The following RC3H1 variants were observed in gnomAD, a reference collection of about 807,000 sequenced individuals.
RC3H1 encodes ring finger and CCCH-type domains 1.
A neutral mutation model predicts 138.2 loss-of-function variants in RC3H1; 50 were observed. The observed-to-expected ratio is 0.36, with a 90% CI of 0.29 to 0.46. The LOEUF (loss-of-function observed/expected upper bound fraction) is 0.46. RC3H1 is among the 20% of genes least tolerant of loss of function. The pLI is 1.00. For missense variants in RC3H1, 1,031 were observed against 1,388.1 expected, an observed-to-expected ratio of 0.74 and a Z score of 4.09; for synonymous variants, 462 against 489.1, an observed-to-expected ratio of 0.94 and a Z score of 0.73.
chr1:173,978,675 A>C, intron 6 of RC3H1, 55 bp from the exon 7 acceptor site: 1 of 1,506,138 alleles, frequency 6.6e-7, no homozygotes, highest in Non-Finnish European at 9.0e-7. Flanking sequence ...TTTAAATATA[A>C]AGATTATTTA....
At position 173,972,564 on chromosome 1, in the gene RC3H1, T is replaced by C. The variant is rs543850587; in HGVS notation, c.1166A>G (p.His389Arg). The change falls in exon 8 of 20, where the codon CAT becomes CGT. Residue 389 changes from histidine (H) to arginine (R), a missense_variant. Physicochemically the swap from His to Arg is conservative, Grantham distance 29. Around this residue, in one of 7 missense-constraint regions of RC3H1, gnomAD observed 142 missense variants for 224.6 expected, o/e 0.63. Coordinates refer to ENST00000367696, the MANE Select transcript of RC3H1 (RefSeq NM_172071.4). ...NGLVAVRTVV[H>R]GLVDYIQNHS... ...GTTCTGGATATAATCAACCAGCCCA[T>C]GTACCACTGTACGCACAGCAACCAG... The C allele has an allele frequency of 2.5e-6, 4 of 1,614,044 alleles. No homozygotes were observed. The highest frequency in any genetic ancestry group is 3.4e-6 in the Non-Finnish European group (4 of 1,180,010).
Position 173,983,560 on chromosome 1 carries a change from G to A in RC3H1, c.450C>T (p.Gly150=). 6.2e-7 allele frequency: 1 copy of A among 1,614,182 alleles called. No homozygotes were observed. The highest frequency in any genetic ancestry group is 8.5e-7 in the Non-Finnish European group (1 of 1,180,032). Residue 150 remains glycine (G), a synonymous_variant, in exon 4 of 20, where the codon GGC becomes GGT. Coordinates refer to ENST00000367696, the MANE Select transcript of RC3H1 (RefSeq NM_172071.4). ...GAGCTGCCCTCATGGCACGAATCCT[G>A]CCTTCTTCTTCTACTAGTTGACAGT... The part of the protein sequence containing the change: ...LVHCQLVEEE[G]RIRAMRAARS...
At chr1:173,947,992 C>T (rs1374504985) in intron 14 of RC3H1, among the ~76,000 whole-genome samples, 1 of 139,086 alleles carries the variant, frequency 7.2e-6, no homozygotes, top group African/African-American at 3.0e-5. Context: ...TTGCCTCAAG[C>T]TCAGCCTCCC....
intron 1 of RC3H1, among the ~76,000 whole-genome samples, chr1:174,011,828 A>T (rs1215111665): frequency 1.3e-5 from 2 of 152,190 alleles, no homozygotes; most frequent in Non-Finnish European, 2.9e-5. Flanking sequence ...ATGGCCAATA[A>T]AGGATTTAGG....
intron 9 of RC3H1, among the ~76,000 whole-genome samples, chr1:173,967,297 G>C (rs1183159051): frequency 6.6e-6 from 1 of 152,114 alleles, no homozygotes; most frequent in South Asian, 2.1e-4. Context: ...TCCAGCCTGG[G>C]AGACAGAGTA....
intron 8 of RC3H1, 135 bp downstream of exon 8, chr1:173,972,374 T>C: frequency 1.6e-6 from 1 of 630,884 alleles, no homozygotes; most frequent in Non-Finnish European, 2.9e-6. Context: ...AATTTACAGT[T>C]TCTATACTCA....
At chr1:173,992,573 G>C (rs1333537023) in intron 2 of RC3H1, among the ~76,000 whole-genome samples, 182 bp downstream of exon 2, 1 of 151,914 alleles carries the variant, frequency 6.6e-6, no homozygotes, top group Non-Finnish European at 1.5e-5. Context: ...TGAAATAAAG[G>C]ATTTACAGTA....
At chr1:173,987,656 T>C (rs1429024897) in intron 2 of RC3H1, among the ~76,000 whole-genome samples, 1 of 152,222 alleles carries the variant, frequency 6.6e-6, no homozygotes, top group Non-Finnish European at 1.5e-5. Flanking sequence ...TGTATGCACA[T>C]TACTATTGGG....
intron 1 of RC3H1, among the ~76,000 whole-genome samples, chr1:173,996,569 G>A (rs945438540): frequency 6.6e-6 from 1 of 152,136 alleles, no homozygotes; most frequent in African/African-American, 2.4e-5. Flanking sequence ...GTTCCTCACA[G>A]ACCCTGGCCA....
chr1:174,004,268 C>T (rs528093071), intron 1 of RC3H1, among the ~76,000 whole-genome samples: 156 of 151,664 alleles, frequency 1.0e-3, no homozygotes, highest in Non-Finnish European at 1.9e-3. Flanking sequence ...TGCACCAACA[C>T]ACCTGGTTAG....
At chr1:173,952,436 C>A (rs2102891131) in intron 13 of RC3H1, among the ~76,000 whole-genome samples, 1 of 130,122 alleles carries the variant, frequency 7.7e-6, no homozygotes, top group Admixed American at 8.5e-5. Context: ...ATTTCAATAT[C>A]CTTCCAGGAA....
At chr1:173,970,065 C>G (rs190261959) in intron 9 of RC3H1, among the ~76,000 whole-genome samples, 57 of 152,156 alleles carry the variant, frequency 3.7e-4, no homozygotes, top group Non-Finnish European at 5.9e-4. Flanking sequence ...ATCTCTTACC[C>G]GAAATGCTTG....
chr1:173,989,302 G>A (rs1389090236), intron 2 of RC3H1, among the ~76,000 whole-genome samples: 1 of 149,534 alleles, frequency 6.7e-6, no homozygotes, highest in African/African-American at 2.5e-5. Context: ...CTCAGGTGAT[G>A]CTCCCACCTC....
rs1196658097 is a variant in RC3H1, at chr1:173,936,773, TTTTTTA to T, written c.*1942_*1947del. 8 of 122,592 alleles carry T rather than the reference TTTTTTA, an allele frequency of 6.5e-5. No individual in the cohort carries two copies. Among genetic ancestry groups the T allele is most frequent in the East Asian group, 4.6e-4 (2 of 4,380 alleles). The allele number at this position is 122,592 out of a possible 1,614,324, so 7.6% of individuals were successfully genotyped here. ...TATATATATATATATTTTTTTTTTTTTTTTTAAAAAAAGAAGACAAATGTATAAGAA... is the reference window on the plus strand; with the variant it reads ...TATATATATATATATTTTTTTTTTTTAAAAAAGAAGACAAATGTATAAGAA... On this transcript the variant is annotated 3_prime_UTR_variant, in exon 20 of 20. Transcript: ENST00000367696.
chr1:173,964,727 CAAA>C, intron 10 of RC3H1, 109 bp downstream of exon 10: 1 of 1,077,014 alleles, frequency 9.3e-7, no homozygotes, highest in Non-Finnish European at 1.3e-6. Flanking sequence ...AAATAAAGGC[CAAA>C]AAAAATAATC....
chr1:173,938,705 T>C lies in RC3H1; in HGVS notation c.*16A>G, dbSNP rs758281945. 8 of 1,581,346 alleles carry C rather than the reference T, an allele frequency of 5.1e-6. No individual in the cohort carries two copies. In the Middle Eastern group the frequency reaches 1.0e-3, roughly 201 times the overall value. On this transcript the variant is annotated 3_prime_UTR_variant, in exon 20 of 20. Coordinates refer to ENST00000367696, the MANE Select transcript of RC3H1 (RefSeq NM_172071.4). Reference sequence around the variant, plus strand: ...ACTGATTAGGAGCAGAAGATAAAAGTAGGACTCCTCATATTTTAAGGAGCA... The same window carrying C: ...ACTGATTAGGAGCAGAAGATAAAAGCAGGACTCCTCATATTTTAAGGAGCA...
intron 5 of RC3H1, 75 bp downstream of exon 5, chr1:173,982,652 C>T: frequency 2.2e-6 from 3 of 1,336,512 alleles, no homozygotes; most frequent in East Asian, 2.5e-5. Flanking sequence ...CTTTATTAAA[C>T]TCAAAGTTTT....
intron 6 of RC3H1, among the ~76,000 whole-genome samples, chr1:173,979,761 A>T (rs1273116015): frequency 6.6e-6 from 1 of 152,242 alleles, no homozygotes; most frequent in African/African-American, 2.4e-5. Flanking sequence ...ATTATAAATG[A>T]GTTGCAAAAC....
chr1:173,967,297 G>A (rs1183159051), intron 9 of RC3H1, among the ~76,000 whole-genome samples: 1 of 152,114 alleles, frequency 6.6e-6, no homozygotes, highest in South Asian at 2.1e-4. Context: ...TCCAGCCTGG[G>A]AGACAGAGTA....
Sources: gnomAD v4.1 joint callset for allele counts (sites outside exome capture counted in the v4.1 genomes callset) on GRCh38, gnomAD v4.1.1 for gene constraint, gnomAD v4.1.1 regional missense constraint, MANE v1.5 for transcripts, NCBI Gene and HGNC (gene_info 2026-07-23, HGNC 2026-07-21) for gene names.